Variants in DNMT1 observed in about 807,000 individuals in gnomAD.
DNMT1 encodes DNA methyltransferase 1, also known as DNA (cytosine-5)-methyltransferase 1.
Under a neutral mutation model 205.3 loss-of-function variants are expected in DNMT1, and 24 were observed. The ratio of observed to expected loss-of-function variants is 0.12; its 90% CI spans 0.08 to 0.16. DNMT1 has a LOEUF of 0.16. Among genes scored for constraint, DNMT1 ranks in the 10% least tolerant of loss-of-function variants. The probability of loss-of-function intolerance (pLI) is 1.00; values close to 1 mark genes in which losing one functional copy is unlikely to be tolerated. For synonymous variants in DNMT1, 817 were observed against 839.8 expected (o/e 0.97, Z 0.47); for missense variants, 1,293 against 2,177.7 (o/e 0.59, Z 8.09).
At chr19:10,188,264 G>T (rs1212030582) in intron 1 of DNMT1, among the ~76,000 whole-genome samples, 1 of 152,188 alleles carries the variant, frequency 6.6e-6, no homozygotes, top group East Asian at 1.9e-4. Flanking sequence ...GACCCACTGG[G>T]CACAGTGGCT....
At chr19:10,141,210 A>C (rs753774104) in intron 30 of DNMT1, 21 bp from the exon 31 acceptor site, 1 of 1,612,852 alleles carries the variant, frequency 6.2e-7, no homozygotes, top group South Asian at 1.1e-5. Flanking sequence ...GAGAACTGCA[A>C]TCGTTTGGGA....
At chr19:10,157,047 C>CA (rs1285859092) in intron 17 of DNMT1, among the ~76,000 whole-genome samples, 1 of 152,186 alleles carries the variant, frequency 6.6e-6, no homozygotes, top group Non-Finnish European at 1.5e-5. Flanking sequence ...AAAGATCAGT[C>CA]AGACTTACAG....
At chr19:10,165,142 C>A (rs373251174) in intron 11 of DNMT1, among the ~76,000 whole-genome samples, 12 of 151,450 alleles carry the variant, frequency 7.9e-5, no homozygotes, top group African/African-American at 2.9e-4. Context: ...ATGGTGGTGC[C>A]TGCCTATAGT....
At chr19:10,136,386 G>A in intron 37 of DNMT1, 99 bp from the exon 38 acceptor site, 1 of 1,521,030 alleles carries the variant, frequency 6.6e-7, no homozygotes, top group South Asian at 1.2e-5. Context: ...GGCACCTCCT[G>A]TGCAAGGGGC....
In DNMT1 at chr19:10,158,521, G is replaced by A. The variant is rs150238484; in HGVS notation, c.1280+1137C>T. The stretch of plus-strand genomic sequence containing the variant: ...CCCAGGCCTAAAAGGAGGCAGGGCC[G>A]TTCCTGGAGCTGAGGCATTTCCCAC... On this transcript the variant is annotated intron_variant, in intron 17 of 40. Transcript: ENST00000359526. 5.2e-4 allele frequency among the ~76,000 whole-genome samples: 79 copies of A among 152,324 alleles called. 1 individual carries two copies. Among genetic ancestry groups the A allele is most frequent in the African/African-American group, 1.7e-3 (71 of 41,552 alleles).
rs113098853 is a variant in DNMT1 at position 10,154,122 on chromosome 19, C to T, written c.2019+171G>A. 6.6e-4 allele frequency among the ~76,000 whole-genome samples: 100 copies of T among 152,270 alleles called. 1 individual carries two copies. Among genetic ancestry groups the T allele is most frequent in the African/African-American group, 2.3e-3 (95 of 41,568 alleles). On this transcript the variant is annotated intron_variant, in intron 22 of 40. Coordinates refer to ENST00000359526, the MANE Select transcript of DNMT1 (RefSeq NM_001130823.3). The surrounding 1 kb of genome is among the most constrained non-coding windows in gnomAD (Gnocchi z 6.3). ...CCTCTGTGGACATCTGTCCTATTGA[C>T]GTTCAATGAAGTATGCAGGGTCCTC... is the stretch of plus-strand genomic sequence containing the variant.
chr19:10,157,655 G>A (rs1169956664), intron 17 of DNMT1, among the ~76,000 whole-genome samples: 1 of 152,206 alleles, frequency 6.6e-6, no homozygotes, highest in Admixed American at 6.5e-5. Flanking sequence ...TGCCTTGGAA[G>A]CCAGAAAGGC....
In DNMT1 at chr19:10,156,071, C is replaced by T; in HGVS notation, c.1400-126G>A. The T allele has an allele frequency of 1.0e-6, 1 of 960,888 alleles. No individual in the cohort carries two copies. Among genetic ancestry groups the T allele is most frequent in the Non-Finnish European group, 1.6e-6 (1 of 622,390 alleles). The allele number at this position is 960,888 out of a possible 1,614,324, so 59.5% of individuals were successfully genotyped here. A position where few individuals can be genotyped will look rare whatever the true frequency, so the allele number is the denominator to read the frequency against. The stretch of plus-strand genomic sequence containing the variant: ...GGGTGCTCCTCAGTCATCACAATGA[C>T]TTGGCCTACAGCTGCTCCTGGCACA... On this transcript the variant is annotated intron_variant, in intron 18 of 40. Transcript: ENST00000359526. The surrounding 1 kb of genome is among the most constrained non-coding windows in gnomAD (Gnocchi z 4.2).
At position 10,144,097 on chromosome 19, in the gene DNMT1, A is replaced by G. The variant is rs2089654240; in HGVS notation, c.2895-110T>C. Reference sequence around the variant, plus strand: ...TTTAAAGTCAAGCACCTGATGAATTAAGGTAGGTGTGTACCCTAAGAAATG... The same window carrying G: ...TTTAAAGTCAAGCACCTGATGAATTGAGGTAGGTGTGTACCCTAAGAAATG... On this transcript the variant is annotated intron_variant, in intron 28 of 40. Transcript: ENST00000359526. 18 of 1,098,814 alleles carry G rather than the reference A, an allele frequency of 1.6e-5. No individual in the cohort carries two copies. The South Asian group carries it at 2.1e-4, about 13-fold the overall frequency. 68.1% of individuals were successfully genotyped at this position (1,098,814 alleles called of 1,614,324 possible).
chr19:10,157,649 T>C (rs556803928), intron 17 of DNMT1, among the ~76,000 whole-genome samples: 1 of 152,320 alleles, frequency 6.6e-6, no homozygotes, highest in South Asian at 2.1e-4. Flanking sequence ...GCTTAGTGCC[T>C]TGGAAGCCAG....
chr19:10,147,885 G>A (rs60565702), intron 27 of DNMT1, among the ~76,000 whole-genome samples: 19,743 of 151,736 alleles, frequency 0.13, 1,852 homozygotes, highest in East Asian at 0.4. Flanking sequence ...AAGCCGAAGC[G>A]GGTAGATCAC....
chr19:10,145,521 G>A (rs1486523822), intron 28 of DNMT1, among the ~76,000 whole-genome samples: 1 of 152,236 alleles, frequency 6.6e-6, no homozygotes, highest in Non-Finnish European at 1.5e-5. Context: ...AAAAAACACA[G>A]AATGGATCAG....
chr19:10,144,952 G>A (rs965715903), intron 28 of DNMT1, among the ~76,000 whole-genome samples: 111 of 152,322 alleles, frequency 7.3e-4, no homozygotes, highest in Non-Finnish European at 4.1e-4. Context: ...CGGCCAGGCT[G>A]GTCTTGGTCT....
chr19:10,153,451 T>C (rs998881016), intron 22 of DNMT1, among the ~76,000 whole-genome samples: 7 of 151,882 alleles, frequency 4.6e-5, no homozygotes, highest in African/African-American at 1.7e-4. Context: ...CTGGCCAACA[T>C]GGTGAAACCC....
chr19:10,145,483 G>C (rs1599354073), intron 28 of DNMT1, among the ~76,000 whole-genome samples: 1 of 94,046 alleles, frequency 1.1e-5, no homozygotes, highest in African/African-American at 2.7e-5. Context: ...AACGTTGGCT[G>C]TAATTCCAAC....
chr19:10,176,091 C>G (rs2038933674), intron 6 of DNMT1, among the ~76,000 whole-genome samples: 1 of 151,794 alleles, frequency 6.6e-6, no homozygotes, highest in African/African-American at 2.4e-5. Context: ...TCGCTTGAAC[C>G]TGGGAGGTGG....
Position 10,149,543 on chromosome 19 carries a change from C to G in DNMT1, c.2496G>C (p.Leu832Phe). 6.2e-7 allele frequency: 1 copy of G among 1,614,050 alleles called. No homozygotes were observed. The highest frequency in any genetic ancestry group is 8.5e-7 in the Non-Finnish European group (1 of 1,180,016). Residue 832 changes from leucine (L) to phenylalanine (F), a missense_variant, in exon 26 of 41, where the codon TTG becomes TTC. Coordinates refer to ENST00000359526, the MANE Select transcript of DNMT1 (RefSeq NM_001130823.3). ...GATSDPLELF[L>F]VDECEDMQLS... is the part of the protein sequence containing the mutation. ...GCTGCATGTCCTCACATTCATCCAC[C>G]AAGAACAGCTCCAGAGGGTCCGACG...
chr19:10,185,474 C>T (rs984930589), intron 1 of DNMT1, among the ~76,000 whole-genome samples: 2 of 150,408 alleles, frequency 1.3e-5, no homozygotes, highest in Non-Finnish European at 3.0e-5. Context: ...TAGCACCCTA[C>T]AAACACAGTG....
chr19:10,159,113 G>C lies in DNMT1; in HGVS notation c.1280+545C>G, dbSNP rs558482187. 6.6e-6 allele frequency among the ~76,000 whole-genome samples: 1 copy of C among 152,140 alleles called. No individual in the cohort carries two copies. The highest frequency in any genetic ancestry group is 2.4e-5 in the African/African-American group (1 of 41,440). On this transcript the variant is annotated intron_variant, in intron 17 of 40. Coordinates refer to ENST00000359526, the MANE Select transcript of DNMT1 (RefSeq NM_001130823.3). The surrounding 1 kb of genome is among the most constrained non-coding windows in gnomAD (Gnocchi z 5.0). ...GCACAGAGTAGGCCTTCATCTGAGCGTGTGACCCTCAGGATGTGGGCAGAA... is the reference window on the plus strand; with the variant it reads ...GCACAGAGTAGGCCTTCATCTGAGCCTGTGACCCTCAGGATGTGGGCAGAA...
Sources: gnomAD v4.1 joint callset for allele counts (sites outside exome capture counted in the v4.1 genomes callset) on GRCh38, gnomAD v4.1.1 for gene constraint, Gnocchi (gnomAD v3.1) non-coding constraint, MANE v1.5 for transcripts, NCBI Gene and HGNC (gene_info 2026-07-23, HGNC 2026-07-21) for gene names.